RCAN3: variants seen among roughly 807,000 people sequenced by gnomAD.
RCAN3 encodes the protein calcipressin-3.
In RCAN3, 19 loss-of-function variants were observed where a neutral mutation model predicts 21.9. That is an observed-to-expected ratio of 0.87 (90% confidence interval 0.61 to 1.27). The LOEUF is 1.27. Ranked by LOEUF, RCAN3 falls within the 50% of genes most tolerant of loss-of-function variation. The probability of loss-of-function intolerance (pLI) is 0.00; values close to 1 mark genes in which losing one functional copy is unlikely to be tolerated. For missense variants in RCAN3, 240 were observed against 300.1 expected, an observed-to-expected ratio of 0.80 and a Z score of 1.48; for synonymous variants, 114 against 112.3, an observed-to-expected ratio of 1.01 and a Z score of -0.09.
At chr1:24,524,364 GA>G (rs1649084855) in intron 2 of RCAN3, among the ~76,000 whole-genome samples, 1 of 152,118 alleles carries the variant, frequency 6.6e-6, no homozygotes. Flanking sequence ...TTCTGATCTG[GA>G]AAAATGATGA....
At position 24,505,232 on chromosome 1, in the gene RCAN3, CTTTTTTTTTTT is replaced by C. The variant is rs796980559; in HGVS notation, c.-60+2093_-60+2103del. Among the ~76,000 whole-genome samples, 55 of 65,736 alleles carry C rather than the reference CTTTTTTTTTTT, an allele frequency of 8.4e-4. No homozygotes were observed. The South Asian group carries it at 0.015, about 17-fold the overall frequency. The allele number at this position is 65,736 out of a possible 152,430, so 43.1% of individuals were successfully genotyped here. ...CTTTGTTTTTTTTTTTCTCTTTTTT[CTTTTTTTTTTT>C]TTTTTTTTTTCTTTTTTTTGAGATC... On this transcript the variant is annotated intron_variant, in intron 1 of 4. Transcript: ENST00000374395.
In RCAN3 at chr1:24,535,994, A is replaced by T. The variant is rs1650200407; in HGVS notation, c.*717A>T. ...CGCCCTCCAGACATGGCTGCCCAGG[A>T]AGGACGGCCACTTTAGAAGTGGGAC... is the stretch of plus-strand genomic sequence containing the variant. On this transcript the variant is annotated 3_prime_UTR_variant, in exon 5 of 5. Transcript: ENST00000374395. 1 of 147,842 alleles carries T rather than the reference A, an allele frequency of 6.8e-6. No individual in the cohort carries two copies. The highest frequency in any genetic ancestry group is 2.1e-4 in the South Asian group (1 of 4,826). 9.2% of individuals were successfully genotyped at this position (147,842 alleles called of 1,614,324 possible). A position where few individuals can be genotyped will look rare whatever the true frequency, so the allele number is the denominator to read the frequency against.
In RCAN3 at chr1:24,520,728, T is replaced by C. The variant is rs528506704; in HGVS notation, c.195+6161T>C. ...AGATAGCATTAGGAGATATACCTAA[T>C]GCTAAATGACGAGTTAATGGGTGCA... is the stretch of plus-strand genomic sequence containing the variant. On this transcript the variant is annotated intron_variant, in intron 2 of 4. Transcript: ENST00000374395. Among the ~76,000 whole-genome samples the C allele has an allele frequency of 4.0e-4, 61 of 151,962 alleles. No homozygotes were observed. The South Asian group carries it at 0.011, about 27-fold the overall frequency.
Position 24,537,501 on chromosome 1 carries a change from A to G in RCAN3, c.*2224A>G, listed in dbSNP as rs1488074505. ...CGCTGTCCTTTTTTGGCTGTTTAAT[A>G]TCTAGTTCATGTAACAAATTTACAA... On this transcript the variant is annotated 3_prime_UTR_variant, in exon 5 of 5. Transcript: ENST00000374395. 1.3e-5 allele frequency: 2 copies of G among 152,140 alleles called. No homozygotes were observed. Among genetic ancestry groups the G allele is most frequent in the Non-Finnish European group, 2.9e-5 (2 of 68,016 alleles). 9.4% of individuals were successfully genotyped at this position (152,140 alleles called of 1,614,324 possible).
At chr1:24,503,465 C>G (rs1011302523) in intron 1 of RCAN3, among the ~76,000 whole-genome samples, 1 of 152,182 alleles carries the variant, frequency 6.6e-6, no homozygotes, top group Non-Finnish European at 1.5e-5. Flanking sequence ...TTTGAAAAGC[C>G]GACAGGCCCA....
At position 24,537,774 on chromosome 1, in the gene RCAN3, C is replaced by G. The variant is rs752168273; in HGVS notation, c.*2497C>G. 1 of 152,214 alleles carries G rather than the reference C, an allele frequency of 6.6e-6. No homozygotes were observed. The highest frequency in any genetic ancestry group is 1.5e-5 in the Non-Finnish European group (1 of 68,088). The allele number at this position is 152,214 out of a possible 1,614,324, so 9.4% of individuals were successfully genotyped here. A position where few individuals can be genotyped will look rare whatever the true frequency, so the allele number is the denominator to read the frequency against. ...AATTAGCCTGGCATGGTGGCACATG[C>G]CTGTAATCCCAGCTACTTGGGAGGC... On this transcript the variant is annotated 3_prime_UTR_variant, in exon 5 of 5. Transcript: ENST00000374395.
chr1:24,534,327 G>A (rs196431), intron 4 of RCAN3, among the ~76,000 whole-genome samples: 47,884 of 152,012 alleles, frequency 0.32, 8,043 homozygotes, highest in East Asian at 0.66. Context: ...ACTTGGCTGG[G>A]TGCGGTGGCT....
At chr1:24,502,368 G>A (rs1156404144), upstream of RCAN3, 2 of 152,530 alleles carry the variant, frequency 1.3e-5, no homozygotes, top group Non-Finnish European at 2.9e-5. Flanking sequence ...CTCCAGCTCA[G>A]CTACCTGCGG....
intron 2 of RCAN3, among the ~76,000 whole-genome samples, chr1:24,514,923 C>T (rs1050466299): frequency 6.7e-6 from 1 of 149,674 alleles, no homozygotes; most frequent in Non-Finnish European, 1.5e-5. Context: ...GAGCTGAGAA[C>T]ATGCCACTGC....
At position 24,535,383 on chromosome 1, in the gene RCAN3, G is replaced by T; in HGVS notation, c.*106G>T. 1 of 1,295,200 alleles carries T rather than the reference G, an allele frequency of 7.7e-7. No homozygotes were observed. Among genetic ancestry groups the T allele is most frequent in the South Asian group, 1.8e-5 (1 of 54,700 alleles). 80.2% of individuals were successfully genotyped at this position (1,295,200 alleles called of 1,614,324 possible). A position where few individuals can be genotyped will look rare whatever the true frequency, so the allele number is the denominator to read the frequency against. ...CGAACAGCATAGGTGAGACTCTGCC[G>T]AGTGAGGTATAGGTCTTCTCACCAC... On this transcript the variant is annotated 3_prime_UTR_variant, in exon 5 of 5. Coordinates refer to ENST00000374395, the MANE Select transcript of RCAN3 (RefSeq NM_013441.4).
At chr1:24,522,586 G>A (rs909490941) in intron 2 of RCAN3, among the ~76,000 whole-genome samples, 2 of 152,176 alleles carry the variant, frequency 1.3e-5, no homozygotes, top group Non-Finnish European at 2.9e-5. Flanking sequence ...GACAGAGAAT[G>A]GGCTTGCCCT....
intron 1 of RCAN3, among the ~76,000 whole-genome samples, 151 bp downstream of exon 1, chr1:24,503,301 G>GCGCGACCTCGCCTCC (rs1255808804): frequency 2.0e-5 from 3 of 148,540 alleles, no homozygotes; most frequent in South Asian, 2.1e-4. Context: ...ATGCTACCGC[G>GCGCGACCTCGCCTCC]CGCGACCTCG....
In RCAN3 at chr1:24,535,295, C is replaced by G; in HGVS notation, c.*18C>G. ...CGCTGTGAGGCCCTTGGTTGTGGTG[C>G]GAGGCGGCTGCCCTGGTGGGCTCTG... is the stretch of plus-strand genomic sequence containing the variant. On this transcript the variant is annotated 3_prime_UTR_variant, in exon 5 of 5. Transcript: ENST00000374395. The G allele has an allele frequency of 2.0e-6, 3 of 1,514,362 alleles. No homozygotes were observed. The highest frequency in any genetic ancestry group is 1.9e-4 in the Middle Eastern group (1 of 5,244). The allele number at this position is 1,514,362 out of a possible 1,614,324, so 93.8% of individuals were successfully genotyped here. A position where few individuals can be genotyped will look rare whatever the true frequency, so the allele number is the denominator to read the frequency against.
At chr1:24,530,604 C>T (rs1306745540) in intron 2 of RCAN3, among the ~76,000 whole-genome samples, 1 of 152,140 alleles carries the variant, frequency 6.6e-6, no homozygotes, top group African/African-American at 2.4e-5. Flanking sequence ...CCGGGGACAT[C>T]AGAACAATAG....
Position 24,538,372 on chromosome 1 carries a change from TAAATA to T in RCAN3, c.*3101_*3105del, listed in dbSNP as rs1650337529. ...AACTTTTAAGTTCAACATAAAGGTT[TAAATA>T]AAATATTTTTTATTTTTTATTTTTA... On this transcript the variant is annotated 3_prime_UTR_variant, in exon 5 of 5. Coordinates refer to ENST00000374395, the MANE Select transcript of RCAN3 (RefSeq NM_013441.4). 6.6e-6 allele frequency: 1 copy of T among 151,990 alleles called. No individual in the cohort carries two copies. Among genetic ancestry groups the T allele is most frequent in the African/African-American group, 2.4e-5 (1 of 41,428 alleles). 9.4% of individuals were successfully genotyped at this position (151,990 alleles called of 1,614,324 possible).
intron 1 of RCAN3, among the ~76,000 whole-genome samples, 161 bp downstream of exon 1, chr1:24,503,311 G>A (rs1189802494): frequency 1.4e-5 from 2 of 146,974 alleles, no homozygotes; most frequent in East Asian, 4.2e-4. Context: ...GCGCGACCTC[G>A]CCTCCCGCGA....
intron 1 of RCAN3, among the ~76,000 whole-genome samples, chr1:24,511,610 T>G (rs956649217): frequency 6.6e-6 from 1 of 152,190 alleles, no homozygotes; most frequent in African/African-American, 2.4e-5. Flanking sequence ...ACAATTACAA[T>G]GGTAACATCA....
Position 24,540,896 on chromosome 1 carries a change from G to T in RCAN3, c.*5619G>T, listed in dbSNP as rs1650454490. ...GTTTGTTATTTGTCAACTTTACCCT[G>T]TGTTTTAAGGACATCTAAACATTCC... is the stretch of plus-strand genomic sequence containing the variant. On this transcript the variant is annotated 3_prime_UTR_variant, in exon 5 of 5. Transcript: ENST00000374395. The T allele has an allele frequency of 6.6e-6, 1 of 152,140 alleles. No homozygotes were observed. The highest frequency in any genetic ancestry group is 6.5e-5 in the Admixed American group (1 of 15,272). The allele number at this position is 152,140 out of a possible 1,614,324, so 9.4% of individuals were successfully genotyped here.
chr1:24,524,338 TCA>T (rs1409158647), intron 2 of RCAN3, among the ~76,000 whole-genome samples: 1 of 152,232 alleles, frequency 6.6e-6, no homozygotes, highest in Non-Finnish European at 1.5e-5. Flanking sequence ...GAATTTTAAT[TCA>T]GTTACAGGTT....
Sources: gnomAD v4.1 joint callset for allele counts (sites outside exome capture counted in the v4.1 genomes callset) on GRCh38, gnomAD v4.1.1 for gene constraint, MANE v1.5 for transcripts, NCBI Gene and HGNC (gene_info 2026-07-23, HGNC 2026-07-21) for gene names.